Variants in RANBP9 observed in about 807,000 individuals in gnomAD.
RANBP9 encodes the protein RAN binding protein 9.
Under a neutral mutation model 84.3 loss-of-function variants are expected in RANBP9, and 15 were observed. That is an observed-to-expected ratio of 0.18 (90% confidence interval 0.12 to 0.27). The LOEUF (loss-of-function observed/expected upper bound fraction) is 0.27, where lower values mean the gene tolerates loss of function less well. Among genes scored for constraint, RANBP9 ranks in the 10% least tolerant of loss-of-function variants. The pLI is 1.00. For synonymous variants in RANBP9, 392 were observed against 349.6 expected (o/e 1.12, Z -1.35); for missense variants, 809 against 912.8 (o/e 0.89, Z 1.46).
At chr6:13,697,476 T>G (rs2113358557) in intron 1 of RANBP9, among the ~76,000 whole-genome samples, 1 of 152,356 alleles carries the variant, frequency 6.6e-6, no homozygotes, top group East Asian at 1.9e-4. Context: ...AATAGCTTAT[T>G]GAGAAATACA....
intron 1 of RANBP9, among the ~76,000 whole-genome samples, chr6:13,706,202 G>A (rs771942199): frequency 1.3e-5 from 2 of 152,016 alleles, no homozygotes; most frequent in Non-Finnish European, 2.9e-5. Flanking sequence ...AAATTAGCCG[G>A]GCGTCGCGGC....
chr6:13,675,019 C>CA (rs775269810), intron 2 of RANBP9, among the ~76,000 whole-genome samples: 44 of 152,236 alleles, frequency 2.9e-4, no homozygotes, highest in Non-Finnish European at 6.2e-4. Context: ...AGATGTGAGA[C>CA]AAAAACTGAT....
At chr6:13,704,517 G>A (rs1758051593) in intron 1 of RANBP9, among the ~76,000 whole-genome samples, 1 of 152,028 alleles carries the variant, frequency 6.6e-6, no homozygotes, top group Non-Finnish European at 1.5e-5. Context: ...TGTAGTTGCA[G>A]CTATTCAGGA....
At chr6:13,710,571 C>A (rs1157657631) in intron 1 of RANBP9, among the ~76,000 whole-genome samples, 1 of 152,150 alleles carries the variant, frequency 6.6e-6, no homozygotes, top group African/African-American at 2.4e-5. Context: ...CAATGTAACC[C>A]AACTCCGAGT....
chr6:13,690,093 C>T (rs1032475909), intron 2 of RANBP9, among the ~76,000 whole-genome samples: 1 of 152,094 alleles, frequency 6.6e-6, no homozygotes, highest in African/African-American at 2.4e-5. Flanking sequence ...GAACATGTTC[C>T]GTAGTTAAGT....
chr6:13,661,152 G>A (rs1056925803), intron 2 of RANBP9, among the ~76,000 whole-genome samples: 1 of 152,226 alleles, frequency 6.6e-6, no homozygotes, highest in Admixed American at 6.5e-5. Flanking sequence ...GCCTAAGCTA[G>A]AGCTTATTTG....
At chr6:13,647,358 C>G (rs2127767072) in intron 5 of RANBP9, among the ~76,000 whole-genome samples, 1 of 152,154 alleles carries the variant, frequency 6.6e-6, no homozygotes, top group Admixed American at 6.5e-5. Context: ...ATTGATTCTA[C>G]AGTGCATTCT....
At chr6:13,626,685 G>A (rs1436232738) in intron 12 of RANBP9, among the ~76,000 whole-genome samples, 5 of 152,212 alleles carry the variant, frequency 3.3e-5, no homozygotes, top group African/African-American at 1.2e-4. Context: ...GACATGGAGA[G>A]TTGCTGCAGA....
At chr6:13,638,492 T>C (rs1481280640) in intron 9 of RANBP9, among the ~76,000 whole-genome samples, 1 of 151,952 alleles carries the variant, frequency 6.6e-6, no homozygotes, top group Non-Finnish European at 1.5e-5. Context: ...TCTTGGGAAA[T>C]GCAGAATTAA....
At chr6:13,654,334 T>C (rs147559029) in intron 4 of RANBP9, among the ~76,000 whole-genome samples, 127 of 152,340 alleles carry the variant, frequency 8.3e-4, no homozygotes, top group Middle Eastern at 3.4e-3. Flanking sequence ...TGATCTTCAA[T>C]TGGTGAACGA....
chr6:13,632,629 AT>A, intron 11 of RANBP9, 108 bp from the exon 12 acceptor site: 1 of 1,045,638 alleles, frequency 9.6e-7, no homozygotes, highest in African/African-American at 1.6e-5. Flanking sequence ...CTATTCCCTA[AT>A]ATTTCATCTA....
At chr6:13,665,996 G>C (rs1242202318) in intron 2 of RANBP9, among the ~76,000 whole-genome samples, 1 of 152,148 alleles carries the variant, frequency 6.6e-6, no homozygotes, top group Non-Finnish European at 1.5e-5. Flanking sequence ...AGGAGCATGA[G>C]GGAACATTTC....
At chr6:13,692,527 CAAAAAAAAAAA>C (rs61237158) in intron 2 of RANBP9, among the ~76,000 whole-genome samples, 267 of 28,724 alleles carry the variant, frequency 9.3e-3, no homozygotes, top group Middle Eastern at 0.042. Context: ...AACTCCGTCT[CAAAAAAAAAAA>C]AAAAAAAAAA....
Position 13,698,289 on chromosome 6 carries a change from A to G in RANBP9, c.572-1393T>C, listed in dbSNP as rs555395657. On this transcript the variant is annotated intron_variant, in intron 1 of 13. Transcript: ENST00000011619. ...GCTAGGCAAGACAAAAATGGAAGCA[A>G]CAGTATTTACATGCATCAAAACTAC... 2.4e-4 allele frequency among the ~76,000 whole-genome samples: 36 copies of G among 152,322 alleles called. No homozygotes were observed. The South Asian group carries it at 7.5e-3, about 32-fold the overall frequency.
At chr6:13,667,330 CATT>C (rs1225393901) in intron 2 of RANBP9, among the ~76,000 whole-genome samples, 1 of 151,974 alleles carries the variant, frequency 6.6e-6, no homozygotes, top group African/African-American at 2.4e-5. Context: ...GTTTTATGGC[CATT>C]ATTAGTTTTC....
intron 2 of RANBP9, among the ~76,000 whole-genome samples, chr6:13,693,980 T>C (rs1210006782): frequency 1.3e-5 from 2 of 151,766 alleles, no homozygotes; most frequent in Admixed American, 6.6e-5. Flanking sequence ...GAGGCAGAGG[T>C]TGCAGTGAGC....
At chr6:13,647,770 CTT>C (rs1434307716) in intron 5 of RANBP9, among the ~76,000 whole-genome samples, 4 of 151,978 alleles carry the variant, frequency 2.6e-5, no homozygotes. Context: ...ATTAAAAAAA[CTT>C]TTAGTAATAT....
At chr6:13,669,544 T>C (rs1034394247) in intron 2 of RANBP9, among the ~76,000 whole-genome samples, 7 of 152,196 alleles carry the variant, frequency 4.6e-5, no homozygotes, top group African/African-American at 1.2e-4. Flanking sequence ...ATCAATGCCA[T>C]AGAATTGAGA....
intron 2 of RANBP9, among the ~76,000 whole-genome samples, chr6:13,664,047 G>A (rs1437300249): frequency 6.6e-6 from 1 of 151,964 alleles, no homozygotes; most frequent in East Asian, 1.9e-4. Flanking sequence ...GCAAAAAAGA[G>A]AAATAAAATG....
Sources: allele counts gnomAD v4.1 joint callset (sites outside exome capture counted in the v4.1 genomes callset), GRCh38; gene constraint gnomAD v4.1.1; transcripts MANE v1.5; gene names NCBI Gene and HGNC (gene_info 2026-07-23, HGNC 2026-07-21).